Variants in FUT6 observed in about 807,000 individuals in gnomAD.
FUT6 encodes fucosyltransferase 6, also known as 4-galactosyl-N-acetylglucosaminide 3-alpha-L-fucosyltransferase FUT6.
For missense variants in FUT6, 454 were observed against 494.6 expected, an observed-to-expected ratio of 0.92 and a Z score of 0.78; for synonymous variants, 187 against 209.9, an observed-to-expected ratio of 0.89 and a Z score of 0.94.
At chr19:5,833,935 C>T (rs2144801830) in intron 2 of FUT6, among the ~76,000 whole-genome samples, 1 of 151,974 alleles carries the variant, frequency 6.6e-6, no homozygotes, top group South Asian at 2.1e-4. Context: ...AGTTTGAGAC[C>T]AGCGTGGTCA....
chr19:5,832,405 C>T lies in FUT6; in HGVS notation c.163G>A (p.Gly55Arg). ...AGGGGGATGGAGTGGGCGGGGGTCC[C>T]TGTGCTGTCTGGGAAGCGGGACCCA... ...PNGSRFPDST[G>R]TPAHSIPLIL... is the part of the protein sequence containing the mutation. Residue 55 changes from glycine to arginine, a missense_variant, in exon 3 of 3, where the codon GGG becomes AGG. Transcript: ENST00000318336. The surrounding 1 kb of genome is among the most constrained non-coding windows in gnomAD (Gnocchi z 4.3). 6.2e-7 allele frequency: 1 copy of T among 1,614,036 alleles called. No homozygotes were observed. Among genetic ancestry groups the T allele is most frequent in the Non-Finnish European group, 8.5e-7 (1 of 1,180,024 alleles).
rs1460761581 is a variant in FUT6, at chr19:5,832,948, C to T, written c.-12-369G>A. 3.6e-6 allele frequency: 1 copy of T among 276,018 alleles called. No homozygotes were observed. The highest frequency in any genetic ancestry group is 7.0e-6 in the Non-Finnish European group (1 of 143,658). 17.1% of individuals were successfully genotyped at this position (276,018 alleles called of 1,614,324 possible). On this transcript the variant is annotated intron_variant, in intron 2 of 2. Transcript: ENST00000318336. This position sits in a 1 kb window ranked among gnomAD's most constrained non-coding sequence, Gnocchi z 4.3. ...CCGATCATAAATGCCCCCCAGTGCC[C>T]CTGAGTCGAGGCTTGAACCCATGAC... is the stretch of plus-strand genomic sequence containing the variant.
At chr19:5,834,852 G>A (rs2057158591) in intron 2 of FUT6, 98 bp downstream of exon 2, 1 of 152,178 alleles carries the variant, frequency 6.6e-6, no homozygotes, top group African/African-American at 2.4e-5. Flanking sequence ...TCAAAGAGAT[G>A]GTGCTGTGGA....
rs749542671 is a variant in FUT6 at position 5,832,001 on chromosome 19, G to C, written c.567C>G (p.Thr189=). 3.7e-6 allele frequency: 6 copies of C among 1,613,826 alleles called. No individual in the cohort carries two copies. In the South Asian group the frequency reaches 4.4e-5, roughly 12 times the overall value. Residue 189 remains threonine (T), a synonymous_variant, in exon 3 of 3, where the codon ACC becomes ACG. Coordinates refer to ENST00000318336, the MANE Select transcript of FUT6 (RefSeq NM_000150.4). The surrounding 1 kb of genome is among the most constrained non-coding windows in gnomAD (Gnocchi z 4.3). ...AHPPLNLSAK[T]ELVAWAVSNW... ...TGGACACTGCCCAGGCCACCAGCTC[G>C]GTCTTGGCCGAGAGGTTGAGCGGTG...
Position 5,832,574 on chromosome 19 carries a change from G to A in FUT6, c.-7C>T. Reference sequence around the variant, plus strand: ...CCGGGCCCAGGGGATCCATGGGTCAGAGTATCTGGGAAGTGGGGAGAGAGG... The same window carrying A: ...CCGGGCCCAGGGGATCCATGGGTCAAAGTATCTGGGAAGTGGGGAGAGAGG... On this transcript the variant is annotated 5_prime_UTR_variant, in exon 3 of 3. Transcript: ENST00000318336. The surrounding 1 kb of genome is among the most constrained non-coding windows in gnomAD (Gnocchi z 4.3). 6.2e-7 allele frequency: 1 copy of A among 1,611,110 alleles called. No individual in the cohort carries two copies. The highest frequency in any genetic ancestry group is 1.7e-4 in the Middle Eastern group (1 of 6,060).
At chr19:5,833,507 T>C (rs1363088082) in intron 2 of FUT6, among the ~76,000 whole-genome samples, 29 of 136,798 alleles carry the variant, frequency 2.1e-4, no homozygotes, top group Admixed American at 1.6e-3. Flanking sequence ...AAAAGAAATA[T>C]TAACTTGGGT....
At position 5,838,892 on chromosome 19, in the gene FUT6, G is replaced by C. The variant is rs898454402; in HGVS notation, c.-356C>G. The stretch of plus-strand genomic sequence containing the variant: ...CCCGGACATCCTTTGAAAACAAATC[G>C]TGGGGCTCCCCTAATCCCCGTTGCA... On this transcript the variant is annotated 5_prime_UTR_variant, in exon 1 of 3. Transcript: ENST00000318336. 6.6e-6 allele frequency: 1 copy of C among 152,198 alleles called. No individual in the cohort carries two copies. The highest frequency in any genetic ancestry group is 1.5e-5 in the Non-Finnish European group (1 of 68,066). The allele number at this position is 152,198 out of a possible 1,614,324, so 9.4% of individuals were successfully genotyped here.
Position 5,832,016 on chromosome 19 carries a change from G to A in FUT6, c.552C>T (p.Asn184=). 1 of 1,613,868 alleles carries A rather than the reference G, an allele frequency of 6.2e-7. No individual in the cohort carries two copies. The highest frequency in any genetic ancestry group is 8.5e-7 in the Non-Finnish European group (1 of 1,180,014). The change falls in exon 3 of 3, where the codon AAC becomes AAT. Residue 184 remains asparagine (N), a synonymous_variant. Transcript: ENST00000318336. The surrounding 1 kb of genome is among the most constrained non-coding windows in gnomAD (Gnocchi z 4.3). The part of the protein sequence containing the change: ...WSGQPAHPPL[N]LSAKTELVAW... ...CCACCAGCTCGGTCTTGGCCGAGAG[G>A]TTGAGCGGTGGGTGGGCAGGCTGGC...
chr19:5,830,435 CCTT>C lies in FUT6; in HGVS notation c.*1050_*1052del, dbSNP rs2057072941. ...GCACACTCAGAAAGGGACACTCCCCCCTTTTTTTTTTTTTCTTGAGACAGTCTC... is the reference window on the plus strand; with the variant it reads ...GCACACTCAGAAAGGGACACTCCCCCTTTTTTTTTTTCTTGAGACAGTCTC... On this transcript the variant is annotated 3_prime_UTR_variant, in exon 3 of 3. Transcript: ENST00000318336. 3.4e-5 allele frequency among the ~76,000 whole-genome samples: 5 copies of C among 147,120 alleles called. No individual in the cohort carries two copies. The South Asian group carries it at 8.6e-4, about 25-fold the overall frequency.
intron 1 of FUT6, among the ~76,000 whole-genome samples, chr19:5,837,055 T>G (rs1166488872): frequency 6.6e-6 from 1 of 152,112 alleles, no homozygotes; most frequent in Non-Finnish European, 1.5e-5. Flanking sequence ...TTGTTTGTTC[T>G]GAGATGGAAT....
At position 5,834,065 on chromosome 19, in the gene FUT6, G is replaced by A. The variant is rs527694727; in HGVS notation, c.-13+885C>T. On this transcript the variant is annotated intron_variant, in intron 2 of 2. Coordinates refer to ENST00000318336, the MANE Select transcript of FUT6 (RefSeq NM_000150.4). ...GAGCATCACTTGAACCTGGGAAGCA[G>A]AGGTTGCATTGAGCCAAGATCACAC... Among the ~76,000 whole-genome samples the A allele has an allele frequency of 2.2e-4, 34 of 152,246 alleles. No individual in the cohort carries two copies. The South Asian group carries it at 6.2e-3, about 28-fold the overall frequency.
chr19:5,835,837 T>C (rs1246689753), intron 1 of FUT6, among the ~76,000 whole-genome samples: 1 of 152,176 alleles, frequency 6.6e-6, no homozygotes, highest in East Asian at 1.9e-4. Flanking sequence ...TCAAAATTGG[T>C]GGCCAATGAG....
At chr19:5,836,947 T>C (rs1325619681) in intron 1 of FUT6, among the ~76,000 whole-genome samples, 1 of 152,006 alleles carries the variant, frequency 6.6e-6, no homozygotes, top group East Asian at 1.9e-4. Flanking sequence ...AAAAAAGCAA[T>C]GACTGGTATT....
At chr19:5,833,220 T>C (rs890907025) in intron 2 of FUT6, among the ~76,000 whole-genome samples, 3 of 152,156 alleles carry the variant, frequency 2.0e-5, no homozygotes, top group Non-Finnish European at 4.4e-5. Flanking sequence ...ATGGCAGCCA[T>C]GCGCGGTGGT....
Position 5,832,030 on chromosome 19 carries a change from G to A in FUT6, c.538C>T (p.His180Tyr), listed in dbSNP as rs145009020. The A allele has an allele frequency of 8.0e-4, 1,292 of 1,613,612 alleles. 2 individuals carry two copies. The highest frequency in any genetic ancestry group is 1.0e-3 in the Non-Finnish European group (1,198 of 1,180,030). ...TTGGCCGAGAGGTTGAGCGGTGGGT[G>A]GGCAGGCTGGCCGGACCACGGCTCC... is the stretch of plus-strand genomic sequence containing the variant. The part of the protein sequence containing the change: ...WLEPWSGQPA[H>Y]PPLNLSAKTE... The change falls in exon 3 of 3, where the codon CAC (histidine) becomes TAC (tyrosine). Residue 180 changes from histidine (H) to tyrosine (Y), a missense_variant. His to Tyr is a moderately conservative substitution (Grantham distance 83). Transcript: ENST00000318336. This position sits in a 1 kb window ranked among gnomAD's most constrained non-coding sequence, Gnocchi z 4.3.
chr19:5,837,391 C>T (rs1186790161), intron 1 of FUT6, among the ~76,000 whole-genome samples: 2 of 151,528 alleles, frequency 1.3e-5, no homozygotes, highest in African/African-American at 4.9e-5. Context: ...CATTGAATGT[C>T]TGAATTGTCT....
chr19:5,831,241 T>A lies in FUT6; in HGVS notation c.*247A>T. The A allele has an allele frequency of 1.2e-6, 1 of 859,160 alleles. No individual in the cohort carries two copies. The allele number at this position is 859,160 out of a possible 1,614,324, so 53.2% of individuals were successfully genotyped here. Reference sequence around the variant, plus strand: ...CAGGGGACGCTCCTGGAAGCCAGCATGTGAAATCCCAGGTAAGGGACATAC... The same window carrying A: ...CAGGGGACGCTCCTGGAAGCCAGCAAGTGAAATCCCAGGTAAGGGACATAC... On this transcript the variant is annotated 3_prime_UTR_variant, in exon 3 of 3. Transcript: ENST00000318336. The surrounding 1 kb of genome is among the most constrained non-coding windows in gnomAD (Gnocchi z 7.0).
At position 5,831,105 on chromosome 19, in the gene FUT6, A is replaced by T. The variant is rs2057084126; in HGVS notation, c.*383T>A. ...GCAGGTGAGGCTCCTAGCAGGTGAGATTCAGTGTGGAAGGTCTCTGGGAGC... is the reference window on the plus strand; with the variant it reads ...GCAGGTGAGGCTCCTAGCAGGTGAGTTTCAGTGTGGAAGGTCTCTGGGAGC... On this transcript the variant is annotated 3_prime_UTR_variant, in exon 3 of 3. Coordinates refer to ENST00000318336, the MANE Select transcript of FUT6 (RefSeq NM_000150.4). The surrounding 1 kb of genome is among the most constrained non-coding windows in gnomAD (Gnocchi z 7.0). The T allele has an allele frequency of 5.2e-6, 3 of 581,172 alleles. No individual in the cohort carries two copies. Among genetic ancestry groups the T allele is most frequent in the Middle Eastern group, 4.5e-4 (1 of 2,204 alleles). 36.0% of individuals were successfully genotyped at this position (581,172 alleles called of 1,614,324 possible). A position where few individuals can be genotyped will look rare whatever the true frequency, so the allele number is the denominator to read the frequency against.
chr19:5,835,204 C>T (rs1223765039), intron 1 of FUT6, 127 bp from the exon 2 acceptor site: 1 of 152,234 alleles, frequency 6.6e-6, no homozygotes, highest in African/African-American at 2.4e-5. Flanking sequence ...CTTCCCGCCC[C>T]CATAGGGTGT....
Sources: gnomAD v4.1 joint callset for allele counts (sites outside exome capture counted in the v4.1 genomes callset) on GRCh38, gnomAD v4.1.1 for gene constraint, Gnocchi (gnomAD v3.1) non-coding constraint, MANE v1.5 for transcripts, NCBI Gene and HGNC (gene_info 2026-07-23, HGNC 2026-07-21) for gene names.